Variants in LPGAT1 observed in about 807,000 individuals in gnomAD.
LPGAT1 encodes the protein lysophosphatidylglycerol acyltransferase 1, also known as acyl-CoA:lysophosphatidylglycerol acyltransferase 1.
LPGAT1 carries 11 observed loss-of-function variants against 47.5 expected under a neutral mutation model. The ratio of observed to expected loss-of-function variants is 0.23; its 90% CI spans 0.15 to 0.38. The LOEUF is 0.38. LPGAT1 is among the 10% of genes least tolerant of loss of function. The probability of loss-of-function intolerance (pLI) is 1.00; values close to 1 mark genes in which losing one functional copy is unlikely to be tolerated. For missense variants in LPGAT1, 293 were observed against 439.0 expected (o/e 0.67, Z 2.97); for synonymous variants, 138 against 144.2 (o/e 0.96, Z 0.31).
chr1:211,817,240 T>A (rs554137719), intron 2 of LPGAT1, among the ~76,000 whole-genome samples: 16 of 152,322 alleles, frequency 1.1e-4, no homozygotes, highest in African/African-American at 3.8e-4. Flanking sequence ...CACAAATGCA[T>A]TTTGAACATG....
chr1:211,825,506 G>A (rs1660518564), intron 2 of LPGAT1, among the ~76,000 whole-genome samples: 1 of 152,016 alleles, frequency 6.6e-6, no homozygotes, highest in Non-Finnish European at 1.5e-5. Flanking sequence ...AAACTCCGGG[G>A]GGTGGGGTAC....
In LPGAT1 at chr1:211,743,724, G is replaced by C. The variant is rs1656838941; in HGVS notation, c.*6175C>G. On this transcript the variant is annotated 3_prime_UTR_variant, in exon 8 of 8. Transcript: ENST00000366997. ...GCTTCCAATTTGTTTTCAGGCCTCT[G>C]TCCCCAGTCTGTTCCTTGTCTTCCA... 6.6e-6 allele frequency: 1 copy of C among 152,158 alleles called. No individual in the cohort carries two copies. Among genetic ancestry groups the C allele is most frequent in the African/African-American group, 2.4e-5 (1 of 41,424 alleles). 9.4% of individuals were successfully genotyped at this position (152,158 alleles called of 1,614,324 possible).
intron 2 of LPGAT1, among the ~76,000 whole-genome samples, chr1:211,799,408 A>G (rs1036053287): frequency 6.6e-6 from 1 of 152,188 alleles, no homozygotes; most frequent in African/African-American, 2.4e-5. Context: ...AGATAGTATC[A>G]TCCCCAATAT....
chr1:211,779,120 A>C, intron 5 of LPGAT1, 76 bp from the exon 6 acceptor site: 3 of 1,281,818 alleles, frequency 2.3e-6, no homozygotes, highest in Non-Finnish European at 3.2e-6. Context: ...AGATTACTTG[A>C]CCAGTGTAAG....
At chr1:211,775,363 T>C (rs1658352287) in intron 6 of LPGAT1, among the ~76,000 whole-genome samples, 1 of 152,120 alleles carries the variant, frequency 6.6e-6, no homozygotes, top group South Asian at 2.1e-4. Context: ...GTTAAATAAA[T>C]TATGCTAACT....
chr1:211,749,802 T>G lies in LPGAT1; in HGVS notation c.*97A>C. 1 of 1,315,038 alleles carries G rather than the reference T, an allele frequency of 7.6e-7. No individual in the cohort carries two copies. Among genetic ancestry groups the G allele is most frequent in the Non-Finnish European group, 1.1e-6 (1 of 937,022 alleles). The allele number at this position is 1,315,038 out of a possible 1,614,324, so 81.5% of individuals were successfully genotyped here. On this transcript the variant is annotated 3_prime_UTR_variant, in exon 8 of 8. Transcript: ENST00000366997. ...CCATCCATTGAATTTCTTTTGCTTT[T>G]TTTTAAATATATTCTGATTTGCACA...
intron 2 of LPGAT1, among the ~76,000 whole-genome samples, chr1:211,802,505 T>C (rs1350166394): frequency 6.6e-6 from 1 of 150,968 alleles, no homozygotes; most frequent in Non-Finnish European, 1.5e-5. Flanking sequence ...ATAATAACCA[T>C]GAGACAAGAA....
At chr1:211,829,421 C>T in intron 1 of LPGAT1, 98 bp from the exon 2 acceptor site, 1 of 1,511,702 alleles carries the variant, frequency 6.6e-7, no homozygotes, top group East Asian at 2.3e-5. Context: ...AATAAAACAG[C>T]GAGGGTCGAA....
Position 211,800,248 on chromosome 1 carries a change from G to C in LPGAT1, c.239-7058C>G, listed in dbSNP as rs569237686. ...GATAGGGTTTCATCATGTTGGACAG[G>C]TTGGTCTTGGTGATCTGCCCACCTT... On this transcript the variant is annotated intron_variant, in intron 2 of 7. Coordinates refer to ENST00000366997, the MANE Select transcript of LPGAT1 (RefSeq NM_014873.3). Among the ~76,000 whole-genome samples the C allele has an allele frequency of 4.6e-5, 7 of 150,872 alleles. No homozygotes were observed. In the East Asian group the frequency reaches 1.4e-3, roughly 29 times the overall value.
intron 2 of LPGAT1, among the ~76,000 whole-genome samples, chr1:211,824,353 G>GCCA (rs1553314203): frequency 5.9e-5 from 9 of 152,248 alleles, no homozygotes; most frequent in African/African-American, 2.2e-4. Flanking sequence ...CCAAGACTGT[G>GCCA]CCACTGTACT....
chr1:211,787,562 T>C, intron 4 of LPGAT1, 70 bp downstream of exon 4: 1 of 818,664 alleles, frequency 1.2e-6, no homozygotes, highest in Non-Finnish European at 2.0e-6. Context: ...GGTTTTGTTA[T>C]ACCTCTTTTT....
Position 211,744,146 on chromosome 1 carries a change from TC to T in LPGAT1, c.*5752del, listed in dbSNP as rs143702637. On this transcript the variant is annotated 3_prime_UTR_variant, in exon 8 of 8. Coordinates refer to ENST00000366997, the MANE Select transcript of LPGAT1 (RefSeq NM_014873.3). ...CTACCCTTTAAAGCCCTGGCCAGGG[TC>T]AGTGATAGGAATTTCCTGAGTTCAG... 12,715 of 152,136 alleles carry T rather than the reference TC, an allele frequency of 0.084. 644 individuals carry two copies. The highest frequency in any genetic ancestry group is 0.15 in the Admixed American group (2,301 of 15,286). 9.4% of individuals were successfully genotyped at this position (152,136 alleles called of 1,614,324 possible). A position where few individuals can be genotyped will look rare whatever the true frequency, so the allele number is the denominator to read the frequency against.
intron 6 of LPGAT1, among the ~76,000 whole-genome samples, chr1:211,762,374 C>G (rs1003477500): frequency 2.0e-5 from 3 of 152,156 alleles, no homozygotes; most frequent in African/African-American, 7.2e-5. Flanking sequence ...GAAAGACAAC[C>G]TCTTCTACCA....
intron 3 of LPGAT1, among the ~76,000 whole-genome samples, chr1:211,792,711 CTT>C (rs34552405): frequency 9.6e-6 from 1 of 104,588 alleles, no homozygotes; most frequent in East Asian, 2.7e-4. Context: ...AATTGATTCC[CTT>C]TTTTTTTTTT....
chr1:211,753,922 A>G (rs1380562933), intron 6 of LPGAT1, among the ~76,000 whole-genome samples: 1 of 152,180 alleles, frequency 6.6e-6, no homozygotes, highest in Non-Finnish European at 1.5e-5. Context: ...GGGCCATTAA[A>G]ATTGGTCTCT....
At chr1:211,782,754 A>C (rs964421277) in intron 5 of LPGAT1, among the ~76,000 whole-genome samples, 7 of 152,206 alleles carry the variant, frequency 4.6e-5, no homozygotes, top group African/African-American at 1.7e-4. Context: ...CAGAAAAAAA[A>C]CAAAAACAAC....
At chr1:211,783,111 C>A in intron 5 of LPGAT1, 118 bp downstream of exon 5, 1 of 934,352 alleles carries the variant, frequency 1.1e-6, no homozygotes, top group Non-Finnish European at 1.5e-6. Context: ...ACAGTTTCAT[C>A]TTCTCCCTAT....
At chr1:211,756,389 G>A (rs1657453790) in intron 6 of LPGAT1, among the ~76,000 whole-genome samples, 1 of 152,114 alleles carries the variant, frequency 6.6e-6, no homozygotes, top group Non-Finnish European at 1.5e-5. Context: ...GGAGCGTAGT[G>A]GCATGATCAC....
chr1:211,747,090 G>A lies in LPGAT1; in HGVS notation c.*2809C>T, dbSNP rs762319740. 12 of 152,094 alleles carry A rather than the reference G, an allele frequency of 7.9e-5. No individual in the cohort carries two copies. Among genetic ancestry groups the A allele is most frequent in the South Asian group, 2.1e-4 (1 of 4,820 alleles). 9.4% of individuals were successfully genotyped at this position (152,094 alleles called of 1,614,324 possible). On this transcript the variant is annotated 3_prime_UTR_variant, in exon 8 of 8. Transcript: ENST00000366997. The stretch of plus-strand genomic sequence containing the variant: ...TTGACAAAATATATATACTTTAAAC[G>A]TCCTTTCATCTCCCTTCACAAAGTA...
Sources: allele counts gnomAD v4.1 joint callset (sites outside exome capture counted in the v4.1 genomes callset), GRCh38; gene constraint gnomAD v4.1.1; transcripts MANE v1.5; gene names NCBI Gene and HGNC (gene_info 2026-07-23, HGNC 2026-07-21).